The following ATG7 variants were observed in gnomAD, a reference collection of about 807,000 sequenced individuals.
ATG7 encodes autophagy related 7.
ATG7 carries 70 observed loss-of-function variants against 82.4 expected under a neutral mutation model. The observed-to-expected ratio is 0.85, with a 90% CI of 0.70 to 1.04. The LOEUF is 1.04. ATG7 is among the 50% of genes least tolerant of loss of function. ATG7 has a pLI of 0.00. For synonymous variants in ATG7, 287 were observed against 313.0 expected (o/e 0.92, Z 0.88); for missense variants, 792 against 864.3 (o/e 0.92, Z 1.05).
intron 20 of ATG7, among the ~76,000 whole-genome samples, chr3:11,473,363 G>A (rs1299390466): frequency 6.6e-6 from 1 of 152,092 alleles, no homozygotes; most frequent in Admixed American, 6.6e-5. Context: ...GGACTTTCCT[G>A]CAAATCATCC....
chr3:11,422,788 C>T (rs555067078), intron 19 of ATG7, among the ~76,000 whole-genome samples: 7 of 115,838 alleles, frequency 6.0e-5, no homozygotes, highest in East Asian at 2.9e-4. Flanking sequence ...AGTCTCACTC[C>T]GTTGCCCAGG....
At chr3:11,413,145 G>A (rs1380509782) in intron 19 of ATG7, among the ~76,000 whole-genome samples, 1 of 151,974 alleles carries the variant, frequency 6.6e-6, no homozygotes, top group African/African-American at 2.4e-5. Flanking sequence ...TTTCAATTTG[G>A]ATGCCTTTTA....
At chr3:11,317,479 A>G (rs887540125) in intron 9 of ATG7, among the ~76,000 whole-genome samples, 3 of 151,842 alleles carry the variant, frequency 2.0e-5, no homozygotes, top group African/African-American at 7.3e-5. Context: ...AACAAGCGTT[A>G]GTTACTACCT....
intron 20 of ATG7, among the ~76,000 whole-genome samples, chr3:11,503,101 C>T (rs565616829): frequency 6.6e-6 from 1 of 152,164 alleles, no homozygotes; most frequent in Non-Finnish European, 1.5e-5. Flanking sequence ...ACCTTCCAGG[C>T]AGGAGAGTGG....
intron 11 of ATG7, among the ~76,000 whole-genome samples, chr3:11,339,295 CAAAAAAAA>C (rs1036935586): frequency 6.7e-5 from 6 of 89,698 alleles, no homozygotes; most frequent in African/African-American, 2.5e-4. Context: ...GACTCTGTTT[CAAAAAAAA>C]AAAAAAAAAA....
At chr3:11,322,750 C>T (rs1208773489) in intron 9 of ATG7, among the ~76,000 whole-genome samples, 3 of 152,040 alleles carry the variant, frequency 2.0e-5, no homozygotes, top group Non-Finnish European at 1.5e-5. Context: ...CTCCTTATCC[C>T]CTGTAGTTTT....
At chr3:11,574,785 A>ATGTATGTGTGTG in the ATG7 span, among the ~76,000 whole-genome samples, 29 of 121,782 alleles carry the variant, frequency 2.4e-4, no homozygotes, top group African/African-American at 9.2e-4. Flanking sequence ...TCAACTATAT[A>ATGTATGTGTGTG]TGTGTGTGTG....
chr3:11,383,552 G>A (rs1195158179), intron 19 of ATG7, among the ~76,000 whole-genome samples: 3 of 152,070 alleles, frequency 2.0e-5, no homozygotes, highest in African/African-American at 4.8e-5. Context: ...AGGTTCAAGC[G>A]ATTCTCCTGC....
At chr3:11,320,910 C>T (rs184966918) in intron 9 of ATG7, among the ~76,000 whole-genome samples, 63 of 152,298 alleles carry the variant, frequency 4.1e-4, no homozygotes, top group Admixed American at 3.2e-3. Context: ...GTTAAGGCCA[C>T]GTATTTTACA....
intron 20 of ATG7, among the ~76,000 whole-genome samples, chr3:11,479,767 C>T (rs962298103): frequency 6.6e-6 from 1 of 152,146 alleles, no homozygotes; most frequent in Non-Finnish European, 1.5e-5. Context: ...CATTGTCCCT[C>T]GGTTGGTTTT....
At chr3:11,460,123 T>C (rs2454497) in intron 20 of ATG7, among the ~76,000 whole-genome samples, 132,022 of 152,276 alleles carry the variant, frequency 0.87, 57,553 homozygotes, top group East Asian at 1. Context: ...CAGTGCTACA[T>C]GACCAACCAG....
intron 19 of ATG7, among the ~76,000 whole-genome samples, chr3:11,400,208 A>T (rs1189697788): frequency 6.6e-6 from 1 of 152,170 alleles, no homozygotes; most frequent in Non-Finnish European, 1.5e-5. Context: ...GGTAGATCAT[A>T]TAACTCATCA....
At chr3:11,465,235 T>A (rs2153004664) in intron 20 of ATG7, among the ~76,000 whole-genome samples, 1 of 151,748 alleles carries the variant, frequency 6.6e-6, no homozygotes, top group Non-Finnish European at 1.5e-5. Flanking sequence ...GGCGTGTGGA[T>A]CCAGATCGAG....
At position 11,532,545 on chromosome 3, in the gene ATG7, A is replaced by G. The variant is rs1027394906; in HGVS notation, c.2080-22266A>G. Among the ~76,000 whole-genome samples, 7 of 152,154 alleles carry G rather than the reference A, an allele frequency of 4.6e-5. No homozygotes were observed. In the South Asian group the frequency reaches 1.4e-3, roughly 32 times the overall value. On this transcript the variant is annotated intron_variant, in intron 20 of 20. Transcript: ENST00000693202. Reference sequence around the variant, plus strand: ...AGAGACCAGCCTGGGCAACATGGCAACGTCCTGTCCGTTCATAAAATTCAA... The same window carrying G: ...AGAGACCAGCCTGGGCAACATGGCAGCGTCCTGTCCGTTCATAAAATTCAA...
Position 11,456,191 on chromosome 3 carries a change from C to G in ATG7, c.2079+29265C>G, listed in dbSNP as rs573307763. On this transcript the variant is annotated intron_variant, in intron 20 of 20. Coordinates refer to ENST00000693202, the MANE Select transcript of ATG7 (RefSeq NM_001349232.2). Reference sequence around the variant, plus strand: ...CTGAGCGATGACTAATCTTTCGTCTCTTCGGATTTGCGTGTTCTGAACATC... The same window carrying G: ...CTGAGCGATGACTAATCTTTCGTCTGTTCGGATTTGCGTGTTCTGAACATC... Among the ~76,000 whole-genome samples, 83 of 152,300 alleles carry G rather than the reference C, an allele frequency of 5.4e-4. 1 individual carries two copies. Among genetic ancestry groups the G allele is most frequent in the Admixed American group, 6.5e-5 (1 of 15,294 alleles).
At chr3:11,299,041 GA>G in intron 4 of ATG7, 186 bp downstream of exon 4, 2 of 685,358 alleles carry the variant, frequency 2.9e-6, no homozygotes, top group Non-Finnish European at 2.3e-6. Context: ...TTGTTGTGGG[GA>G]AAAAGAAAGA....
At chr3:11,344,682 C>T (rs1444486767) in intron 13 of ATG7, among the ~76,000 whole-genome samples, 1 of 151,936 alleles carries the variant, frequency 6.6e-6, no homozygotes, top group Non-Finnish European at 1.5e-5. Flanking sequence ...GCCTGCACAA[C>T]GTGGCGAAAC....
intron 20 of ATG7, among the ~76,000 whole-genome samples, chr3:11,442,045 C>T (rs1413130315): frequency 1.3e-5 from 2 of 152,194 alleles, no homozygotes; most frequent in East Asian, 1.9e-4. Flanking sequence ...TCAAGCCATT[C>T]ACCTGCTTCG....
intron 8 of ATG7, 77 bp downstream of exon 8, chr3:11,313,497 A>G: frequency 9.8e-7 from 1 of 1,020,432 alleles, no homozygotes; most frequent in Non-Finnish European, 1.4e-6. Context: ...TTCCAAAGAC[A>G]AACAGGCACT....
Sources: allele counts gnomAD v4.1 joint callset (sites outside exome capture counted in the v4.1 genomes callset), GRCh38; gene constraint gnomAD v4.1.1; transcripts MANE v1.5; gene names NCBI Gene and HGNC (gene_info 2026-07-23, HGNC 2026-07-21).